PPP1R12A: variants seen among roughly 807,000 people sequenced by gnomAD.
PPP1R12A encodes protein phosphatase 1 regulatory subunit 12A, also known as myosin binding subunit.
Under a neutral mutation model 139.6 loss-of-function variants are expected in PPP1R12A, and 19 were observed. The ratio of observed to expected loss-of-function variants is 0.14; its 90% confidence interval spans 0.09 to 0.20. PPP1R12A has a LOEUF of 0.20. Among genes scored for constraint, PPP1R12A ranks in the 10% least tolerant of loss-of-function variants. The pLI is 1.00. For synonymous variants in PPP1R12A, 427 were observed against 420.6 expected, an observed-to-expected ratio of 1.02 and a Z score of -0.19; for missense variants, 925 against 1,211.5, an observed-to-expected ratio of 0.76 and a Z score of 3.51.
intron 15 of PPP1R12A, 93 bp downstream of exon 15, chr12:79,798,401 A>G (rs1373494014): frequency 1.3e-6 from 1 of 787,308 alleles, no homozygotes; most frequent in Non-Finnish European, 1.9e-6. Context: ...ACAAAGTGAA[A>G]AAGAGAAAGG....
At chr12:79,866,051 C>T (rs1409922039) in intron 2 of PPP1R12A, among the ~76,000 whole-genome samples, 1 of 152,158 alleles carries the variant, frequency 6.6e-6, no homozygotes, top group Non-Finnish European at 1.5e-5. Context: ...AAGCATCACA[C>T]TACCTGACTT....
chr12:79,797,044 T>A, intron 16 of PPP1R12A, 94 bp from the exon 17 acceptor site: 2 of 1,411,900 alleles, frequency 1.4e-6, no homozygotes, highest in South Asian at 1.4e-5. Flanking sequence ...AAAAGTAGTA[T>A]ACTAATCACG....
chr12:79,804,090 C>G (rs1873529757), intron 14 of PPP1R12A, among the ~76,000 whole-genome samples: 1 of 152,008 alleles, frequency 6.6e-6, no homozygotes, highest in South Asian at 2.1e-4. Context: ...GAGTTTCTGA[C>G]TCAAAGATAA....
At chr12:79,807,367 T>G in intron 11 of PPP1R12A, 37 bp from the exon 12 acceptor site, 1 of 1,310,030 alleles carries the variant, frequency 7.6e-7, no homozygotes, top group Non-Finnish European at 1.1e-6. Flanking sequence ...TGGTACATAA[T>G]TTTAAAATAG....
chr12:79,777,191 T>C, intron 24 of PPP1R12A: 1 of 912,388 alleles, frequency 1.1e-6, no homozygotes, highest in South Asian at 5.1e-5. Flanking sequence ...TACTGTTGGT[T>C]TTCTCTCTAG....
intron 1 of PPP1R12A, among the ~76,000 whole-genome samples, chr12:79,904,984 A>G (rs990269146): frequency 1.3e-5 from 2 of 152,222 alleles, no homozygotes; most frequent in Non-Finnish European, 2.9e-5. Context: ...AAAACCTAAA[A>G]TAGTGAAATT....
intron 2 of PPP1R12A, among the ~76,000 whole-genome samples, chr12:79,862,089 G>A (rs1484823672): frequency 2.0e-5 from 3 of 152,144 alleles, no homozygotes; most frequent in Non-Finnish European, 4.4e-5. Context: ...ATACAGGGGG[G>A]TGCCCTTCTA....
intron 3 of PPP1R12A, among the ~76,000 whole-genome samples, chr12:79,837,809 C>T (rs1878262972): frequency 6.6e-6 from 1 of 152,160 alleles, no homozygotes. Flanking sequence ...CTTCCCCTTC[C>T]ACTATGATTG....
chr12:79,815,549 T>C (rs1875258817), intron 9 of PPP1R12A, among the ~76,000 whole-genome samples: 1 of 151,392 alleles, frequency 6.6e-6, no homozygotes, highest in African/African-American at 2.4e-5. Context: ...AGATAGCCAG[T>C]TTCTTGCCTA....
intron 2 of PPP1R12A, among the ~76,000 whole-genome samples, chr12:79,851,306 T>G (rs1880013404): frequency 1.3e-5 from 2 of 152,212 alleles, no homozygotes. Flanking sequence ...TTATGATTAT[T>G]TCTCATTAGT....
intron 2 of PPP1R12A, among the ~76,000 whole-genome samples, chr12:79,846,699 G>A (rs910678509): frequency 6.6e-6 from 1 of 151,560 alleles, no homozygotes; most frequent in East Asian, 1.9e-4. Context: ...AAAGTGCTGG[G>A]ATTACAGGAG....
chr12:79,833,287 G>C (rs1877658226), intron 3 of PPP1R12A, among the ~76,000 whole-genome samples: 1 of 151,844 alleles, frequency 6.6e-6, no homozygotes, highest in Admixed American at 6.6e-5. Flanking sequence ...AAAAAGGGAA[G>C]AATACAAAAA....
chr12:79,886,537 T>C (rs901480160), intron 1 of PPP1R12A, among the ~76,000 whole-genome samples: 2 of 152,096 alleles, frequency 1.3e-5, no homozygotes, highest in African/African-American at 2.4e-5. Context: ...GGCTAGACCA[T>C]AGGGAACTCT....
At chr12:79,908,799 TTAAA>T (rs1886326352) in intron 1 of PPP1R12A, among the ~76,000 whole-genome samples, 1 of 152,168 alleles carries the variant, frequency 6.6e-6, no homozygotes, top group Non-Finnish European at 1.5e-5. Context: ...CAAAGGCTGA[TTAAA>T]TAACCATATG....
Position 79,840,122 on chromosome 12 carries a change from G to C in PPP1R12A, c.487+5180C>G, listed in dbSNP as rs577701232. On this transcript the variant is annotated intron_variant, in intron 3 of 24. Coordinates refer to ENST00000450142, the MANE Select transcript of PPP1R12A (RefSeq NM_002480.3). ...TCAAGATATCTGTCTTACTGTTTAG[G>C]ACAGACCTATAGCACTACCACTTCC... Among the ~76,000 whole-genome samples, 13 of 152,220 alleles carry C rather than the reference G, an allele frequency of 8.5e-5. No homozygotes were observed. The South Asian group carries it at 1.5e-3, about 17-fold the overall frequency.
intron 3 of PPP1R12A, 86 bp from the exon 4 acceptor site, chr12:79,832,577 T>A: frequency 7.6e-7 from 1 of 1,314,286 alleles, no homozygotes; most frequent in Non-Finnish European, 1.0e-6. Flanking sequence ...ATGTCAAGTT[T>A]AAATAAAATT....
At chr12:79,812,342 T>C (rs1013674539) in intron 9 of PPP1R12A, among the ~76,000 whole-genome samples, 1 of 151,464 alleles carries the variant, frequency 6.6e-6, no homozygotes, top group African/African-American at 2.4e-5. Flanking sequence ...CTTCACCTTC[T>C]TTTTCTTTTT....
intron 4 of PPP1R12A, among the ~76,000 whole-genome samples, chr12:79,829,089 A>C (rs931441369): frequency 6.6e-6 from 1 of 152,146 alleles, no homozygotes; most frequent in Non-Finnish European, 1.5e-5. Flanking sequence ...CAACAAGCTA[A>C]AACAGAAACA....
At chr12:79,835,148 C>CT (rs1234544292) in intron 3 of PPP1R12A, among the ~76,000 whole-genome samples, 1 of 152,006 alleles carries the variant, frequency 6.6e-6, no homozygotes, top group Non-Finnish European at 1.5e-5. Flanking sequence ...AGGAGGATAC[C>CT]TTTTTTCCTC....
Sources: allele counts gnomAD v4.1 joint callset (sites outside exome capture counted in the v4.1 genomes callset), GRCh38; gene constraint gnomAD v4.1.1; transcripts MANE v1.5; gene names NCBI Gene and HGNC (gene_info 2026-07-23, HGNC 2026-07-21).